UPF2: variants seen among roughly 807,000 people sequenced by gnomAD.
UPF2 encodes the protein UPF2 regulator of nonsense mediated mRNA decay.
A neutral mutation model predicts 141.4 loss-of-function variants in UPF2; 17 were observed. The observed-to-expected ratio is 0.12, with a 90% CI of 0.08 to 0.18. The LOEUF is 0.18. Among genes scored for constraint, UPF2 ranks in the 10% least tolerant of loss-of-function variants. The pLI, the probability that UPF2 is intolerant of heterozygous loss-of-function variation, is 1.00. For missense variants in UPF2, 1,152 were observed against 1,515.9 expected, an observed-to-expected ratio of 0.76 and a Z score of 3.99; for synonymous variants, 540 against 498.0, an observed-to-expected ratio of 1.08 and a Z score of -1.12.
chr10:11,952,419 TTCCCTCTGTCTATACAGGTCTTGA>T (rs1833087654), intron 14 of UPF2, among the ~76,000 whole-genome samples, 170 bp from the exon 15 acceptor site: 1 of 152,036 alleles, frequency 6.6e-6, no homozygotes, highest in East Asian at 1.9e-4. Context: ...TTCCAATCAT[TTCCCTCTGTCTATACAGGTCTTGA>T]GCTATTTGGT....
intron 18 of UPF2, among the ~76,000 whole-genome samples, 164 bp downstream of exon 18, chr10:11,942,501 T>C (rs920050296): frequency 2.6e-5 from 4 of 152,224 alleles, no homozygotes; most frequent in African/African-American, 9.6e-5. Flanking sequence ...GGATGTGGGA[T>C]ACAAGAAGGA....
chr10:12,004,795 T>C (rs1320841551), intron 4 of UPF2, 68 bp from the exon 5 acceptor site: 6 of 1,483,654 alleles, frequency 4.0e-6, no homozygotes, highest in South Asian at 2.5e-5. Flanking sequence ...ATGACATAAG[T>C]TATTTTTTCA....
rs543745520 is a variant in UPF2 at position 11,980,665 on chromosome 10, A to G, written c.1845-1500T>C. ...GGAGAATCACTTGAACCCAGGAGGC[A>G]GAGGTTGCAGTGAGCTGAGATCACA... On this transcript the variant is annotated intron_variant, in intron 8 of 21. Coordinates refer to ENST00000357604, the MANE Select transcript of UPF2 (RefSeq NM_015542.4). This position sits in a 1 kb window ranked among gnomAD's most constrained non-coding sequence, Gnocchi z 4.2. Among the ~76,000 whole-genome samples, 241 of 152,204 alleles carry G rather than the reference A, an allele frequency of 1.6e-3. 1 individual carries two copies. The highest frequency in any genetic ancestry group is 5.6e-3 in the African/African-American group (232 of 41,532).
intron 8 of UPF2, among the ~76,000 whole-genome samples, chr10:11,994,835 G>A (rs1833838425): frequency 1.3e-5 from 2 of 151,802 alleles, no homozygotes; most frequent in Admixed American, 1.3e-4. Context: ...AATTAGCCGG[G>A]CGTGGTGGCA....
Position 11,956,193 on chromosome 10 carries a change from A to T in UPF2, c.2574+127T>A. ...AAGTGTTTACAGGAAATTCTTATAAAATGATTATCAGCTTTTTCTAACTAA... is the reference window on the plus strand; with the variant it reads ...AAGTGTTTACAGGAAATTCTTATAATATGATTATCAGCTTTTTCTAACTAA... On this transcript the variant is annotated intron_variant, in intron 13 of 21. Coordinates refer to ENST00000357604, the MANE Select transcript of UPF2 (RefSeq NM_015542.4). This position sits in a 1 kb window ranked among gnomAD's most constrained non-coding sequence, Gnocchi z 4.2. The T allele has an allele frequency of 1.1e-6, 1 of 925,590 alleles. No homozygotes were observed. 57.3% of individuals were successfully genotyped at this position (925,590 alleles called of 1,614,324 possible). A position where few individuals can be genotyped will look rare whatever the true frequency, so the allele number is the denominator to read the frequency against.
At chr10:11,999,700 G>C (rs1005813178) in intron 7 of UPF2, among the ~76,000 whole-genome samples, 2 of 152,114 alleles carry the variant, frequency 1.3e-5, no homozygotes, top group Non-Finnish European at 2.9e-5. Context: ...AACAGGACAG[G>C]ATGCTACAGC....
chr10:11,946,046 T>C (rs529531994), intron 16 of UPF2, among the ~76,000 whole-genome samples: 2 of 152,268 alleles, frequency 1.3e-5, no homozygotes, highest in African/African-American at 4.8e-5. Context: ...ACTAACTTAT[T>C]TATATCTAAG....
intron 11 of UPF2, among the ~76,000 whole-genome samples, chr10:11,961,556 G>A (rs887516044): frequency 2.0e-5 from 3 of 152,106 alleles, no homozygotes; most frequent in African/African-American, 7.2e-5. Context: ...ACCAAGGTGA[G>A]AAGGCTGGGT....
intron 9 of UPF2, among the ~76,000 whole-genome samples, chr10:11,971,934 T>G (rs1695672899): frequency 6.6e-6 from 1 of 152,034 alleles, no homozygotes; most frequent in South Asian, 2.1e-4. Context: ...TATGGTGGCC[T>G]GTGCCTGTAG....
intron 16 of UPF2, among the ~76,000 whole-genome samples, chr10:11,944,866 G>A (rs1422396598): frequency 1.3e-5 from 2 of 152,230 alleles, no homozygotes; most frequent in African/African-American, 4.8e-5. Context: ...GCAGGCTAGG[G>A]AAAGCAAGAG....
intron 3 of UPF2, among the ~76,000 whole-genome samples, chr10:12,015,104 G>A (rs1834194571): frequency 6.6e-6 from 1 of 152,104 alleles, no homozygotes; most frequent in African/African-American, 2.4e-5. Flanking sequence ...TATCCATGTG[G>A]TACTATAATA....
At position 11,936,229 on chromosome 10, in the gene UPF2, G is replaced by A. The variant is rs746737695; in HGVS notation, c.3546+316C>T. Among the ~76,000 whole-genome samples the A allele has an allele frequency of 4.6e-5, 7 of 151,998 alleles. No individual in the cohort carries two copies. Among genetic ancestry groups the A allele is most frequent in the Non-Finnish European group, 1.0e-4 (7 of 67,994 alleles). On this transcript the variant is annotated intron_variant, in intron 19 of 21. Transcript: ENST00000357604. This position sits in a 1 kb window ranked among gnomAD's most constrained non-coding sequence, Gnocchi z 6.6. The stretch of plus-strand genomic sequence containing the variant: ...TACTAAAAATACAAAAATTAGCCGG[G>A]CGTCATGGTGGACGCCTGTAATCCC...
intron 16 of UPF2, among the ~76,000 whole-genome samples, chr10:11,946,064 T>C (rs1832996401): frequency 6.6e-6 from 1 of 152,226 alleles, no homozygotes; most frequent in South Asian, 2.1e-4. Flanking sequence ...AAGGAAGTTC[T>C]AAGGTTGTCA....
At chr10:12,020,355 C>G (rs917793406) in intron 3 of UPF2, among the ~76,000 whole-genome samples, 2 of 151,452 alleles carry the variant, frequency 1.3e-5, no homozygotes, top group African/African-American at 4.9e-5. Flanking sequence ...GGGTTCAAGC[C>G]ATTCTCCTGC....
chr10:12,023,220 C>G (rs1834348575), intron 3 of UPF2, among the ~76,000 whole-genome samples: 1 of 152,020 alleles, frequency 6.6e-6, no homozygotes, highest in African/African-American at 2.4e-5. Context: ...AAGTACAAAG[C>G]ATTTCAAAGC....
intron 9 of UPF2, among the ~76,000 whole-genome samples, chr10:11,970,601 C>G (rs1045117073): frequency 6.6e-6 from 1 of 151,962 alleles, no homozygotes; most frequent in Non-Finnish European, 1.5e-5. Flanking sequence ...CACTTGAGGT[C>G]AGGAGTTTGA....
chr10:12,008,540 G>A (rs1834074036), intron 4 of UPF2, among the ~76,000 whole-genome samples: 1 of 148,016 alleles, frequency 6.8e-6, no homozygotes. Flanking sequence ...TGAGGCAGGA[G>A]AATCGCTTGA....
intron 11 of UPF2, among the ~76,000 whole-genome samples, chr10:11,960,570 A>C (rs1833224210): frequency 6.6e-6 from 1 of 151,178 alleles, no homozygotes; most frequent in Admixed American, 6.6e-5. Context: ...CCCACCTCTA[A>C]AATAAAAAAT....
At chr10:12,000,448 C>A (rs114530631) in intron 6 of UPF2, among the ~76,000 whole-genome samples, 2 of 152,056 alleles carry the variant, frequency 1.3e-5, no homozygotes, top group East Asian at 3.9e-4. Flanking sequence ...GTAAAGCCAA[C>A]AGAGAGAAAA....
Sources: gnomAD v4.1 joint callset for allele counts (sites outside exome capture counted in the v4.1 genomes callset) on GRCh38, gnomAD v4.1.1 for gene constraint, Gnocchi (gnomAD v3.1) non-coding constraint, MANE v1.5 for transcripts, NCBI Gene and HGNC (gene_info 2026-07-23, HGNC 2026-07-21) for gene names.